NTM: variants seen among roughly 807,000 people sequenced by gnomAD.
NTM encodes IgLON family member 2.
A neutral mutation model predicts 42.1 loss-of-function variants in NTM; 13 were observed. The observed-to-expected ratio is 0.31, with a 90% CI of 0.20 to 0.49. The LOEUF is 0.49. NTM is among the 20% of genes least tolerant of loss of function. The probability of loss-of-function intolerance (pLI) is 0.99; values close to 1 mark genes in which losing one functional copy is unlikely to be tolerated. For missense variants in NTM, 373 were observed against 452.8 expected (o/e 0.82, Z 1.60); for synonymous variants, 187 against 179.2 (o/e 1.04, Z -0.35).
At chr11:131,529,622 G>C (rs2050964188) in intron 1 of NTM, among the ~76,000 whole-genome samples, 1 of 152,100 alleles carries the variant, frequency 6.6e-6, no homozygotes, top group African/African-American at 2.4e-5. Context: ...CTGAAATCAA[G>C]GCTGCTCGGT....
intron 1 of NTM, among the ~76,000 whole-genome samples, chr11:131,750,957 A>T (rs2082420252): frequency 6.6e-6 from 1 of 151,886 alleles, no homozygotes; most frequent in Non-Finnish European, 1.5e-5. Context: ...GGCTGAGAGG[A>T]CAGCATTAGC....
chr11:132,282,237 G>C (rs1204713130), intron 4 of NTM, among the ~76,000 whole-genome samples: 1 of 152,174 alleles, frequency 6.6e-6, no homozygotes, highest in Non-Finnish European at 1.5e-5. Context: ...TATTGACTGG[G>C]CTGAGACATC....
intron 1 of NTM, among the ~76,000 whole-genome samples, chr11:131,393,691 C>T (rs953846916): frequency 1.3e-5 from 2 of 152,206 alleles, no homozygotes; most frequent in East Asian, 3.9e-4. Flanking sequence ...GCCTCTCTCT[C>T]TCCGCCCCTC....
chr11:131,507,060 T>C (rs979820974), intron 1 of NTM, among the ~76,000 whole-genome samples: 2 of 152,230 alleles, frequency 1.3e-5, no homozygotes, highest in Non-Finnish European at 2.9e-5. Flanking sequence ...GTACACTGTT[T>C]ACAGACAACC....
In NTM at chr11:132,308,308, A is replaced by G. The variant is rs977583605; in HGVS notation, c.661+485A>G. 1.1e-4 allele frequency among the ~76,000 whole-genome samples: 17 copies of G among 152,330 alleles called. No individual in the cohort carries two copies. In the East Asian group the frequency reaches 2.3e-3, roughly 21 times the overall value. ...CATTATTTTACAATTATAGATGTGC[A>G]TGGTATACATACAAATAGTTACGAT... On this transcript the variant is annotated intron_variant, in intron 5 of 8. Coordinates refer to ENST00000683400, the MANE Select transcript of NTM (RefSeq NM_001352005.2).
In NTM at chr11:132,003,408, G is replaced by A. The variant is rs937142460; in HGVS notation, c.167+91760G>A. The stretch of plus-strand genomic sequence containing the variant: ...CCACAGGTGTGCACCACTATGTCTG[G>A]CTAATTTTTAAATTTTATGTAGAGA... On this transcript the variant is annotated intron_variant, in intron 2 of 8. Coordinates refer to ENST00000683400, the MANE Select transcript of NTM (RefSeq NM_001352005.2). This position sits in a 1 kb window ranked among gnomAD's most constrained non-coding sequence, Gnocchi z 6.0. Among the ~76,000 whole-genome samples the A allele has an allele frequency of 1.3e-5, 2 of 152,002 alleles. No homozygotes were observed. Among genetic ancestry groups the A allele is most frequent in the Non-Finnish European group, 2.9e-5 (2 of 68,020 alleles).
chr11:131,414,174 C>A (rs1946710774), intron 1 of NTM, among the ~76,000 whole-genome samples: 5 of 152,178 alleles, frequency 3.3e-5, no homozygotes, highest in Admixed American at 1.3e-4. Context: ...GGTGGGGCAG[C>A]ATGAAGCAGG....
At chr11:132,275,097 G>C (rs982939866) in intron 4 of NTM, among the ~76,000 whole-genome samples, 6 of 151,974 alleles carry the variant, frequency 3.9e-5, no homozygotes, top group African/African-American at 1.5e-4. Context: ...TTTATGGCAA[G>C]TCTAAAGATC....
chr11:131,754,625 C>CA (rs35686470), intron 1 of NTM, among the ~76,000 whole-genome samples: 121,666 of 147,128 alleles, frequency 0.83, 50,412 homozygotes, highest in East Asian at 0.95. Flanking sequence ...ACCCCAACTC[C>CA]AAAAAAAAAA....
At chr11:131,550,732 A>G (rs948077084) in intron 1 of NTM, among the ~76,000 whole-genome samples, 4 of 151,926 alleles carry the variant, frequency 2.6e-5, no homozygotes, top group Admixed American at 2.6e-4. Flanking sequence ...GCTATTCCAG[A>G]GGCTGAGATG....
At chr11:132,242,226 C>T (rs1020566800) in intron 4 of NTM, among the ~76,000 whole-genome samples, 2 of 152,180 alleles carry the variant, frequency 1.3e-5, no homozygotes, top group African/African-American at 2.4e-5. Flanking sequence ...TCTTGATTTG[C>T]ATTATCATCT....
intron 1 of NTM, among the ~76,000 whole-genome samples, chr11:131,658,986 G>C (rs919585739): frequency 3.3e-5 from 5 of 152,078 alleles, no homozygotes; most frequent in African/African-American, 1.2e-4. Context: ...AAAACAAATA[G>C]ATGTAAGCAC....
chr11:131,732,912 T>C (rs1249489658), intron 1 of NTM, among the ~76,000 whole-genome samples: 1 of 152,160 alleles, frequency 6.6e-6, no homozygotes, highest in African/African-American at 2.4e-5. Flanking sequence ...AATAGAATGT[T>C]TTACATTAAT....
chr11:131,997,041 G>A (rs2068186994), intron 2 of NTM, among the ~76,000 whole-genome samples: 2 of 152,272 alleles, frequency 1.3e-5, no homozygotes, highest in Non-Finnish European at 2.9e-5. Context: ...CTTCACCATG[G>A]CCTCTCCTGG....
chr11:131,951,377 G>A (rs1200485563), intron 2 of NTM, among the ~76,000 whole-genome samples: 3 of 152,074 alleles, frequency 2.0e-5, no homozygotes, highest in East Asian at 3.9e-4. Flanking sequence ...AATAAGTAAA[G>A]GCCTATGAAA....
At chr11:131,938,539 T>C (rs1487668867) in intron 2 of NTM, among the ~76,000 whole-genome samples, 1 of 152,202 alleles carries the variant, frequency 6.6e-6, no homozygotes, top group Non-Finnish European at 1.5e-5. Flanking sequence ...GAGTTTGCCT[T>C]TTCTCTGCGT....
In NTM at chr11:131,875,699, T is replaced by C. The variant is rs377348943; in HGVS notation, c.83-35865T>C. Among the ~76,000 whole-genome samples, 29 of 152,342 alleles carry C rather than the reference T, an allele frequency of 1.9e-4. No homozygotes were observed. In the East Asian group the frequency reaches 5.6e-3, roughly 29 times the overall value. On this transcript the variant is annotated intron_variant, in intron 1 of 8. Coordinates refer to ENST00000683400, the MANE Select transcript of NTM (RefSeq NM_001352005.2). The stretch of plus-strand genomic sequence containing the variant: ...GCACAATGAATCGCATAAGAAAGGC[T>C]TTTGGTAATGACGACATTGAAAATG...
At chr11:131,963,948 A>T (rs2062519644) in intron 2 of NTM, among the ~76,000 whole-genome samples, 1 of 152,196 alleles carries the variant, frequency 6.6e-6, no homozygotes, top group Non-Finnish European at 1.5e-5. Context: ...GTATGCTTCT[A>T]ATCTGTCTTA....
At chr11:132,176,363 A>T (rs1427776006) in intron 3 of NTM, among the ~76,000 whole-genome samples, 2 of 92,242 alleles carry the variant, frequency 2.2e-5, no homozygotes, top group African/African-American at 7.6e-5. Context: ...CAGGAAAAAA[A>T]AAAAGAAAAA....
Sources: allele counts gnomAD v4.1 joint callset (sites outside exome capture counted in the v4.1 genomes callset), GRCh38; gene constraint gnomAD v4.1.1; non-coding constraint Gnocchi (gnomAD v3.1); transcripts MANE v1.5; gene names NCBI Gene and HGNC (gene_info 2026-07-23, HGNC 2026-07-21).